Variants in PGAP3 observed in about 807,000 individuals in gnomAD.
PGAP3 encodes the protein post-GPI attachment to proteins phospholipase 3, also known as GPI-specific phospholipase A2-like PGAP3.
PGAP3 carries 31 observed loss-of-function variants against 40.3 expected under a neutral mutation model. The observed-to-expected ratio is 0.77, with a 90% CI of 0.58 to 1.04. The LOEUF is 1.04. Ranked by LOEUF, PGAP3 falls within the 50% of genes least tolerant of loss-of-function variation. The pLI, the probability that PGAP3 is intolerant of heterozygous loss-of-function variation, is 0.00. For missense variants in PGAP3, 413 were observed against 423.0 expected (o/e 0.98, Z 0.21); for synonymous variants, 191 against 184.5 (o/e 1.04, Z -0.29).
rs2057505837 is a variant in PGAP3 at position 39,685,941 on chromosome 17, A to G, written c.260T>C (p.Val87Ala). Residue 87 changes from valine to alanine, a missense_variant, in exon 2 of 8, where the codon GTG becomes GCG. Transcript: ENST00000300658. ...ACTCACCTTGCCATGGAACTGAGGC[A>G]CTTTGTGACCTTCCTGGAGGTAGAG... The part of the protein sequence containing the change: ...VGLYLQEGHK[V>A]PQFHGKWPFS... 3 of 1,613,392 alleles carry G rather than the reference A, an allele frequency of 1.9e-6. No individual in the cohort carries two copies. The highest frequency in any genetic ancestry group is 2.5e-6 in the Non-Finnish European group (3 of 1,179,492).
In PGAP3 at chr17:39,673,258, G is replaced by A. The variant is rs1261361662; in HGVS notation, c.695-3C>T. ...CCACCACACCACGTTGACCAGGCCT[G>A]GGTGCCAGTGGGGGCAGGAGAGACT... On this transcript the variant is annotated splice_region_variant and splice_polypyrimidine_tract_variant and intron_variant, in intron 6 of 7. Transcript: ENST00000300658. 1 of 1,556,910 alleles carries A rather than the reference G, an allele frequency of 6.4e-7. No homozygotes were observed. Among genetic ancestry groups the A allele is most frequent in the Non-Finnish European group, 8.7e-7 (1 of 1,150,632 alleles).
At chr17:39,687,714 C>G (rs2057578270) in intron 1 of PGAP3, 120 bp downstream of exon 1, 1 of 758,892 alleles carries the variant, frequency 1.3e-6, no homozygotes. Context: ...AGGGGCTTCA[C>G]TCACATTCAT....
chr17:39,673,784 C>T, intron 5 of PGAP3, 134 bp from the exon 6 acceptor site: 1 of 1,323,500 alleles, frequency 7.6e-7, no homozygotes. Context: ...AAACAGGCCA[C>T]AGCTGGGCAG....
intron 2 of PGAP3, 62 bp from the exon 3 acceptor site, chr17:39,684,811 C>T (rs2057488875): frequency 1.3e-6 from 2 of 1,483,116 alleles, no homozygotes; most frequent in Non-Finnish European, 1.8e-6. Flanking sequence ...GCCCAGTCCA[C>T]CTATTCTTGA....
In PGAP3 at chr17:39,672,704, G is replaced by A. The variant is rs1432297356; in HGVS notation, c.*99C>T. The stretch of plus-strand genomic sequence containing the variant: ...CCACATCCTTCATGTCCAAGTTCAA[G>A]AAGTTGAAAAGAGAAAATCATCTCA... On this transcript the variant is annotated 3_prime_UTR_variant, in exon 8 of 8. Transcript: ENST00000300658. The A allele has an allele frequency of 8.0e-7, 1 of 1,249,972 alleles. No individual in the cohort carries two copies. Among genetic ancestry groups the A allele is most frequent in the Non-Finnish European group, 1.2e-6 (1 of 868,172 alleles). The allele number at this position is 1,249,972 out of a possible 1,614,324, so 77.4% of individuals were successfully genotyped here.
intron 4 of PGAP3, 53 bp downstream of exon 4, chr17:39,674,564 T>C: frequency 2.0e-6 from 3 of 1,509,820 alleles, no homozygotes; most frequent in Non-Finnish European, 2.7e-6. Flanking sequence ...TGCCCACTTC[T>C]GGGCTCCTCT....
At chr17:39,684,456 T>C in intron 3 of PGAP3, 141 bp downstream of exon 3, 14 of 1,073,478 alleles carry the variant, frequency 1.3e-5, no homozygotes, top group Non-Finnish European at 1.8e-5. Context: ...CCCCAGGCTT[T>C]ACCACCCTGC....
intron 3 of PGAP3, among the ~76,000 whole-genome samples, chr17:39,682,319 C>G (rs942938348): frequency 7.4e-6 from 1 of 134,348 alleles, no homozygotes; most frequent in Non-Finnish European, 1.6e-5. Context: ...TCCCACCTTA[C>G]AAAACCCACT....
chr17:39,672,756 C>A lies in PGAP3; in HGVS notation c.*47G>T. ...GGGTTGAGGGGAGAAGGGAGGCCAG[C>A]AGGGCGGGGGCAGGATCCCCACTGG... On this transcript the variant is annotated 3_prime_UTR_variant, in exon 8 of 8. Coordinates refer to ENST00000300658, the MANE Select transcript of PGAP3 (RefSeq NM_033419.5). 2 of 1,564,918 alleles carry A rather than the reference C, an allele frequency of 1.3e-6. No homozygotes were observed. The highest frequency in any genetic ancestry group is 1.8e-6 in the Non-Finnish European group (2 of 1,136,010).
At chr17:39,683,703 G>A (rs2057470382) in intron 3 of PGAP3, among the ~76,000 whole-genome samples, 1 of 152,158 alleles carries the variant, frequency 6.6e-6, no homozygotes. Context: ...CTGCACCCCA[G>A]TCTGTGCTTA....
chr17:39,687,339 G>A (rs1176435963), intron 1 of PGAP3, among the ~76,000 whole-genome samples: 2 of 152,188 alleles, frequency 1.3e-5, no homozygotes, highest in African/African-American at 2.4e-5. Flanking sequence ...TGCTCAATAC[G>A]TTGGTTCTTT....
At chr17:39,676,254 A>G (rs1238665096) in intron 3 of PGAP3, among the ~76,000 whole-genome samples, 4 of 152,224 alleles carry the variant, frequency 2.6e-5, no homozygotes, top group Non-Finnish European at 5.9e-5. Flanking sequence ...CTGGCAGGCC[A>G]GGAACAGGGA....
chr17:39,679,330 G>T lies in PGAP3; in HGVS notation c.433-4651C>A, dbSNP rs938789456. Reference sequence around the variant, plus strand: ...TGTGACCCCCCTCTCCAAGAAGGAAGCTGAGTTGCAGATACCATTGAGGTG... The same window carrying T: ...TGTGACCCCCCTCTCCAAGAAGGAATCTGAGTTGCAGATACCATTGAGGTG... On this transcript the variant is annotated intron_variant, in intron 3 of 7. Coordinates refer to ENST00000300658, the MANE Select transcript of PGAP3 (RefSeq NM_033419.5). 9.2e-5 allele frequency among the ~76,000 whole-genome samples: 14 copies of T among 152,220 alleles called. 1 individual carries two copies. The highest frequency in any genetic ancestry group is 1.9e-4 in the Non-Finnish European group (13 of 68,040).
At chr17:39,682,487 A>C (rs896494351) in intron 3 of PGAP3, among the ~76,000 whole-genome samples, 3 of 152,138 alleles carry the variant, frequency 2.0e-5, no homozygotes, top group African/African-American at 7.2e-5. Context: ...AATACTTATA[A>C]AATGCTTAGA....
At chr17:39,687,201 G>A (rs1859996116) in intron 1 of PGAP3, among the ~76,000 whole-genome samples, 1 of 152,198 alleles carries the variant, frequency 6.6e-6, no homozygotes. Context: ...ACTACATACT[G>A]GCTGTGTGAC....
At chr17:39,673,849 C>A in intron 5 of PGAP3, 144 bp downstream of exon 5, 1 of 1,228,514 alleles carries the variant, frequency 8.1e-7, no homozygotes, top group Non-Finnish European at 1.1e-6. Context: ...CCCCAGAGTC[C>A]TCACCCAGGA....
At chr17:39,679,677 T>TC in intron 3 of PGAP3, among the ~76,000 whole-genome samples, 1 of 152,294 alleles carries the variant, frequency 6.6e-6, no homozygotes, top group South Asian at 2.1e-4. Flanking sequence ...CAGGAAGTGG[T>TC]GGCTTTATCT....
At chr17:39,677,543 G>A (rs138521234) in intron 3 of PGAP3, among the ~76,000 whole-genome samples, 160 of 152,298 alleles carry the variant, frequency 1.1e-3, no homozygotes, top group Non-Finnish European at 1.9e-3. Context: ...GCTCTGGAAG[G>A]AAGGAGAGTT....
Position 39,674,689 on chromosome 17 carries a change from G to A in PGAP3, c.433-10C>T. The A allele has an allele frequency of 6.5e-7, 1 of 1,550,342 alleles. No homozygotes were observed. Among genetic ancestry groups the A allele is most frequent in the Non-Finnish European group, 8.7e-7 (1 of 1,146,078 alleles). On this transcript the variant is annotated splice_polypyrimidine_tract_variant and intron_variant, in intron 3 of 7. Transcript: ENST00000300658. ...ATGCATTGAGGGACACCTAAGGAGG[G>A]AGGGGCTGGTGAGCATGCTGCCCCC... is the stretch of plus-strand genomic sequence containing the variant.
Sources: allele counts gnomAD v4.1 joint callset (sites outside exome capture counted in the v4.1 genomes callset), GRCh38; gene constraint gnomAD v4.1.1; transcripts MANE v1.5; gene names NCBI Gene and HGNC (gene_info 2026-07-23, HGNC 2026-07-21).